MAK: variants seen among roughly 807,000 people sequenced by gnomAD.
MAK encodes the protein male germ cell associated kinase.
A neutral mutation model predicts 82.6 loss-of-function variants in MAK; 65 were observed. That is an observed-to-expected ratio of 0.79 (90% CI 0.64 to 0.97). MAK has a LOEUF of 0.97. MAK is among the 50% of genes least tolerant of loss of function. The pLI is 0.00. For synonymous variants in MAK, 250 were observed against 274.2 expected (o/e 0.91, Z 0.87); for missense variants, 703 against 780.2 (o/e 0.90, Z 1.18).
intron 12 of MAK, among the ~76,000 whole-genome samples, chr6:10,773,527 A>G (rs774216456): frequency 5.9e-5 from 9 of 152,116 alleles, no homozygotes; most frequent in Non-Finnish European, 1.2e-4. Context: ...GTAATTGTCA[A>G]AGTTTTTTGA....
chr6:10,799,282 C>T (rs1192439041), intron 8 of MAK, among the ~76,000 whole-genome samples: 1 of 152,170 alleles, frequency 6.6e-6, no homozygotes, highest in African/African-American at 2.4e-5. Context: ...AACGGTATCT[C>T]ATTTCTACTT....
intron 10 of MAK, among the ~76,000 whole-genome samples, chr6:10,785,207 G>A (rs996232795): frequency 7.9e-5 from 12 of 152,112 alleles, no homozygotes; most frequent in Non-Finnish European, 1.6e-4. Context: ...TTCTGTGTAC[G>A]GACTGAGGAC....
chr6:10,811,410 C>G (rs1336719808), intron 5 of MAK, among the ~76,000 whole-genome samples: 1 of 152,260 alleles, frequency 6.6e-6, no homozygotes, highest in Non-Finnish European at 1.5e-5. Context: ...GGCTGGTTTC[C>G]CAAATTACTA....
At chr6:10,791,626 A>C (rs518954) in intron 10 of MAK, 49 bp downstream of exon 10, 328,896 of 1,546,772 alleles carry the variant, frequency 0.21, 36,605 homozygotes, top group East Asian at 0.37. Flanking sequence ...TGAGTAAAAT[A>C]AAGTTAATGC....
intron 2 of MAK, among the ~76,000 whole-genome samples, chr6:10,819,478 A>G (rs940204146): frequency 1.3e-5 from 2 of 151,956 alleles, no homozygotes; most frequent in Non-Finnish European, 2.9e-5. Context: ...AAAAATACAA[A>G]ACAATTAGCT....
chr6:10,771,662 G>T (rs1249210956), intron 13 of MAK, among the ~76,000 whole-genome samples: 1 of 152,304 alleles, frequency 6.6e-6, no homozygotes, highest in East Asian at 1.9e-4. Context: ...GGCATATCAG[G>T]CTTCAACAGG....
intron 1 of MAK, among the ~76,000 whole-genome samples, chr6:10,834,296 G>T (rs1779009736): frequency 6.6e-6 from 1 of 152,174 alleles, no homozygotes; most frequent in African/African-American, 2.4e-5. Context: ...TGTTCCTTAT[G>T]ACAGTAAGAT....
intron 9 of MAK, among the ~76,000 whole-genome samples, chr6:10,794,617 C>G (rs1486815803): frequency 2.0e-5 from 3 of 152,058 alleles, no homozygotes; most frequent in Non-Finnish European, 4.4e-5. Flanking sequence ...AGTGGGACAG[C>G]TAAAATACTA....
At chr6:10,833,948 C>T (rs1449982313) in intron 1 of MAK, among the ~76,000 whole-genome samples, 1 of 152,178 alleles carries the variant, frequency 6.6e-6, no homozygotes, top group Non-Finnish European at 1.5e-5. Context: ...CAGTCTCTCT[C>T]TCTGCACGGT....
chr6:10,806,456 GTAGCTGGGAC>G (rs1331898403), intron 6 of MAK, among the ~76,000 whole-genome samples: 12 of 150,240 alleles, frequency 8.0e-5, no homozygotes, highest in African/African-American at 2.5e-4. Context: ...AGCCTCCCAA[GTAGCTGGGAC>G]TAGCTGGGAC....
At chr6:10,806,829 C>T (rs2127562133) in intron 6 of MAK, among the ~76,000 whole-genome samples, 1 of 151,976 alleles carries the variant, frequency 6.6e-6, no homozygotes. Flanking sequence ...GCATAAAAAC[C>T]CACATCAGAA....
chr6:10,814,819 G>T (rs1223593533), intron 4 of MAK, among the ~76,000 whole-genome samples: 1 of 152,102 alleles, frequency 6.6e-6, no homozygotes, highest in Non-Finnish European at 1.5e-5. Flanking sequence ...GCCAAGGTGG[G>T]TGGAGGTCAG....
intron 14 of MAK, among the ~76,000 whole-genome samples, chr6:10,765,547 C>A (rs1339332160): frequency 6.6e-6 from 1 of 150,714 alleles, no homozygotes; most frequent in Non-Finnish European, 1.5e-5. Flanking sequence ...GCAACCTCCA[C>A]CTCCCGGGTT....
At chr6:10,831,718 C>A (rs1199292845) in intron 1 of MAK, among the ~76,000 whole-genome samples, 1 of 151,998 alleles carries the variant, frequency 6.6e-6, no homozygotes, top group South Asian at 2.1e-4. Context: ...TAAACTCCAT[C>A]CTGGGTGACA....
chr6:10,770,647 G>A (rs1026320765), intron 13 of MAK, among the ~76,000 whole-genome samples: 1 of 152,204 alleles, frequency 6.6e-6, no homozygotes, highest in Non-Finnish European at 1.5e-5. Flanking sequence ...ATGGTTGTAA[G>A]TGGACCTATT....
At chr6:10,783,469 C>A (rs531123748) in intron 11 of MAK, among the ~76,000 whole-genome samples, 1 of 152,346 alleles carries the variant, frequency 6.6e-6, no homozygotes, top group Admixed American at 6.5e-5. Flanking sequence ...AAAGTCACCA[C>A]CGTTCACCCA....
At chr6:10,797,570 CTG>C in intron 8 of MAK, 2 of 984,116 alleles carry the variant, frequency 2.0e-6, no homozygotes, top group Non-Finnish European at 2.4e-6. Flanking sequence ...TGTCTAAAGC[CTG>C]TGTAGCTCAG....
At chr6:10,774,205 T>C (rs925827300) in intron 12 of MAK, among the ~76,000 whole-genome samples, 2 of 152,110 alleles carry the variant, frequency 1.3e-5, no homozygotes, top group Admixed American at 1.3e-4. Context: ...AAATTAAAAC[T>C]TTTTTTAATT....
Position 10,764,554 on chromosome 6 carries a change from A to G in MAK, c.1845T>C (p.Tyr615=). ...TATTTAGGTTTTTTGCTGTAGGATT[A>G]TAAGTACGTCCTGAAAACTGCCCCC... ...TGRGQFSGRT[Y]NPTAKNLNIV... Residue 615 remains tyrosine (Y), a synonymous_variant, in exon 15 of 15, where the codon TAT becomes TAC. Transcript: ENST00000354489. 1.2e-6 allele frequency: 2 copies of G among 1,614,078 alleles called. No homozygotes were observed. The highest frequency in any genetic ancestry group is 1.7e-4 in the Middle Eastern group (1 of 6,060).
Sources: gnomAD v4.1 joint callset for allele counts (sites outside exome capture counted in the v4.1 genomes callset) on GRCh38, gnomAD v4.1.1 for gene constraint, MANE v1.5 for transcripts, NCBI Gene and HGNC (gene_info 2026-07-23, HGNC 2026-07-21) for gene names.